The following FHIT variants were observed in gnomAD, a reference collection of about 807,000 sequenced individuals.
FHIT encodes the protein bis(5'-adenosyl)-triphosphatase.
In FHIT, 19 loss-of-function variants were observed where a neutral mutation model predicts 17.9. The ratio of observed to expected loss-of-function variants is 1.06; its 90% CI spans 0.74 to 1.56. The LOEUF (loss-of-function observed/expected upper bound fraction) is 1.56. Among genes scored for constraint, FHIT ranks in the 40% most tolerant of loss-of-function variants. FHIT has a pLI of 0.00. For synonymous variants in FHIT, 81 were observed against 69.7 expected (o/e 1.16, Z -0.81); for missense variants, 248 against 189.2 (o/e 1.31, Z -1.82).
At chr3:60,651,439 T>C (rs1399794979) in intron 4 of FHIT, among the ~76,000 whole-genome samples, 1 of 152,142 alleles carries the variant, frequency 6.6e-6, no homozygotes, top group East Asian at 1.9e-4. Context: ...AAAAATTTGG[T>C]ATACCCATTG....
At chr3:60,977,454 C>T in intron 3 of FHIT, among the ~76,000 whole-genome samples, 1 of 152,190 alleles carries the variant, frequency 6.6e-6, no homozygotes, top group Non-Finnish European at 1.5e-5. Flanking sequence ...ACAAATAAAA[C>T]CTACACAGCT....
At chr3:60,524,836 C>A (rs2107574267) in intron 5 of FHIT, among the ~76,000 whole-genome samples, 1 of 152,256 alleles carries the variant, frequency 6.6e-6, no homozygotes, top group Non-Finnish European at 1.5e-5. Flanking sequence ...AGGATAATCT[C>A]CCCACCTCAA....
At chr3:60,051,051 G>C (rs935278884) in intron 5 of FHIT, among the ~76,000 whole-genome samples, 1 of 152,134 alleles carries the variant, frequency 6.6e-6, no homozygotes, top group African/African-American at 2.4e-5. Context: ...CAAAGGAGAA[G>C]TAATTATAAC....
chr3:61,204,490 A>G (rs562513335), intron 1 of FHIT, among the ~76,000 whole-genome samples: 2 of 152,228 alleles, frequency 1.3e-5, no homozygotes, highest in Admixed American at 6.5e-5. Context: ...AGTAAACGCA[A>G]TCGATTCTCT....
chr3:59,868,054 A>ATT, intron 8 of FHIT, among the ~76,000 whole-genome samples: 1 of 151,340 alleles, frequency 6.6e-6, no homozygotes, highest in Middle Eastern at 3.4e-3. Context: ...TTTTAAAAAA[A>ATT]AAAAAAAAAA....
At chr3:59,941,541 G>A (rs1706518580) in intron 7 of FHIT, among the ~76,000 whole-genome samples, 1 of 152,060 alleles carries the variant, frequency 6.6e-6, no homozygotes, top group Non-Finnish European at 1.5e-5. Flanking sequence ...TCCTGTTGTG[G>A]GTACTGTGTA....
At chr3:60,792,226 G>T (rs1330837178) in intron 4 of FHIT, among the ~76,000 whole-genome samples, 6 of 152,214 alleles carry the variant, frequency 3.9e-5, no homozygotes, top group African/African-American at 1.4e-4. Context: ...CTACACCAAA[G>T]AGAAAACACT....
intron 4 of FHIT, among the ~76,000 whole-genome samples, chr3:60,571,079 G>A (rs955920746): frequency 6.6e-5 from 10 of 152,020 alleles, no homozygotes; most frequent in African/African-American, 2.4e-4. Flanking sequence ...TGTAATCCCA[G>A]CACTTTGGGA....
chr3:60,048,291 C>T (rs889047508), intron 5 of FHIT, among the ~76,000 whole-genome samples: 1 of 152,196 alleles, frequency 6.6e-6, no homozygotes, highest in Admixed American at 6.5e-5. Flanking sequence ...ATTCTCCTGC[C>T]TCAGCCTCCC....
intron 5 of FHIT, among the ~76,000 whole-genome samples, chr3:60,064,483 C>G (rs1205443150): frequency 6.6e-6 from 1 of 152,162 alleles, no homozygotes; most frequent in South Asian, 2.1e-4. Flanking sequence ...GACAGTACTT[C>G]TAGAATTTTG....
intron 1 of FHIT, among the ~76,000 whole-genome samples, chr3:61,229,196 T>C (rs1237066161): frequency 1.3e-5 from 2 of 152,172 alleles, no homozygotes; most frequent in African/African-American, 4.8e-5. Flanking sequence ...TACTGGATTG[T>C]CTGGGTGAGC....
At chr3:60,067,655 G>A (rs150335313) in intron 5 of FHIT, among the ~76,000 whole-genome samples, 282 of 152,284 alleles carry the variant, frequency 1.9e-3, no homozygotes, top group Non-Finnish European at 3.5e-3. Flanking sequence ...TCTTGCGAAA[G>A]TCACTTCTAC....
At chr3:60,409,854 A>G (rs1576611931) in intron 5 of FHIT, among the ~76,000 whole-genome samples, 1 of 152,280 alleles carries the variant, frequency 6.6e-6, no homozygotes, top group South Asian at 2.1e-4. Flanking sequence ...TCCTGGGTGT[A>G]TCTTTGAAGG....
intron 7 of FHIT, among the ~76,000 whole-genome samples, chr3:59,934,464 T>A (rs1349576241): frequency 6.6e-6 from 1 of 152,170 alleles, no homozygotes; most frequent in Non-Finnish European, 1.5e-5. Flanking sequence ...TTGAGATCAA[T>A]CTTGTACAAA....
chr3:60,188,693 T>C (rs750377532), intron 5 of FHIT, among the ~76,000 whole-genome samples: 1 of 152,178 alleles, frequency 6.6e-6, no homozygotes, highest in African/African-American at 2.4e-5. Context: ...TATCACACCA[T>C]GATGACAAAC....
chr3:60,052,865 G>A lies in FHIT; in HGVS notation c.104-38713C>T, dbSNP rs566392824. On this transcript the variant is annotated intron_variant, in intron 5 of 9. Coordinates refer to ENST00000492590, the MANE Select transcript of FHIT (RefSeq NM_002012.4). ...TATAAGTATGTCCCGCGTAATATTT[G>A]CAATGTAACTTACACTAACAAAGTA... Among the ~76,000 whole-genome samples, 22 of 150,844 alleles carry A rather than the reference G, an allele frequency of 1.5e-4. No homozygotes were observed. In the South Asian group the frequency reaches 2.9e-3, roughly 20 times the overall value.
intron 2 of FHIT, among the ~76,000 whole-genome samples, chr3:61,044,630 G>GA: frequency 6.6e-6 from 1 of 152,126 alleles, no homozygotes; most frequent in East Asian, 1.9e-4. Context: ...GAAATACAGA[G>GA]ACGCCACAAA....
intron 5 of FHIT, among the ~76,000 whole-genome samples, chr3:60,164,297 G>C (rs1259932626): frequency 1.3e-5 from 2 of 152,158 alleles, no homozygotes; most frequent in Non-Finnish European, 1.5e-5. Context: ...ACAGGTGTCA[G>C]AATGACATCC....
At chr3:59,990,168 G>A (rs947638955) in intron 7 of FHIT, among the ~76,000 whole-genome samples, 4 of 151,982 alleles carry the variant, frequency 2.6e-5, no homozygotes, top group Admixed American at 6.6e-5. Context: ...ATGTATTTTC[G>A]AAAAGTATCT....
Sources: allele counts gnomAD v4.1 joint callset (sites outside exome capture counted in the v4.1 genomes callset), GRCh38; gene constraint gnomAD v4.1.1; transcripts MANE v1.5; gene names NCBI Gene and HGNC (gene_info 2026-07-23, HGNC 2026-07-21).